GOLM1: variants seen among roughly 807,000 people sequenced by gnomAD.
The protein encoded by GOLM1 is epididymis luminal protein 46.
A neutral mutation model predicts 50.5 loss-of-function variants in GOLM1; 31 were observed. The observed-to-expected ratio is 0.61, with a 90% CI of 0.46 to 0.83. The LOEUF (loss-of-function observed/expected upper bound fraction) is 0.83. GOLM1 is among the 40% of genes least tolerant of loss of function. The pLI is 0.00. For missense variants in GOLM1, 491 were observed against 501.3 expected (o/e 0.98, Z 0.20); for synonymous variants, 178 against 192.8 (o/e 0.92, Z 0.64).
At chr9:86,053,641 C>T (rs374626014) in intron 3 of GOLM1, among the ~76,000 whole-genome samples, 4,074 of 38,954 alleles carry the variant, frequency 0.1, 180 homozygotes, top group Non-Finnish European at 0.23. Context: ...ACAAAACACA[C>T]ACCACACCAT....
At chr9:86,030,241 A>AAGTT (rs1564338725) in intron 9 of GOLM1, among the ~76,000 whole-genome samples, 24 of 150,234 alleles carry the variant, frequency 1.6e-4, no homozygotes, top group African/African-American at 3.2e-4. Context: ...AAAAAAAAAA[A>AAGTT]AGAATAGAAG....
At chr9:86,064,387 C>A (rs1347510232) in intron 3 of GOLM1, among the ~76,000 whole-genome samples, 1 of 152,194 alleles carries the variant, frequency 6.6e-6, no homozygotes. Context: ...CCGCACCTAT[C>A]CCATCTGTCA....
At position 86,026,397 on chromosome 9, in the gene GOLM1, T is replaced by A. The variant is rs1346780905; in HGVS notation, c.*1420A>T. 1.0e-6 allele frequency: 1 copy of A among 985,200 alleles called. No individual in the cohort carries two copies. Among genetic ancestry groups the A allele is most frequent in the Non-Finnish European group, 1.2e-6 (1 of 829,918 alleles). The allele number at this position is 985,200 out of a possible 1,614,324, so 61.0% of individuals were successfully genotyped here. A position where few individuals can be genotyped will look rare whatever the true frequency, so the allele number is the denominator to read the frequency against. On this transcript the variant is annotated 3_prime_UTR_variant, in exon 10 of 10. Coordinates refer to ENST00000388712, the MANE Select transcript of GOLM1 (RefSeq NM_016548.4). ...ATATGAAGAATGTTTAAGTTGGAGG[T>A]GGCAACGTGAATTGCAAACAGGGCC...
chr9:86,039,813 C>T (rs1036869760), intron 6 of GOLM1, among the ~76,000 whole-genome samples: 2 of 151,892 alleles, frequency 1.3e-5, no homozygotes, highest in Non-Finnish European at 2.9e-5. Flanking sequence ...ACTAAAAATA[C>T]AAAAATTAGC....
At chr9:86,092,645 T>C (rs774915586) in intron 1 of GOLM1, among the ~76,000 whole-genome samples, 5 of 152,080 alleles carry the variant, frequency 3.3e-5, no homozygotes, top group African/African-American at 4.8e-5. Flanking sequence ...CCCAGGTAAA[T>C]AGTGACACAA....
At chr9:86,086,661 T>C (rs1337010580) in intron 1 of GOLM1, among the ~76,000 whole-genome samples, 1 of 152,252 alleles carries the variant, frequency 6.6e-6, no homozygotes, top group Non-Finnish European at 1.5e-5. Context: ...AGTTTCAGTT[T>C]TCTGCATATG....
At chr9:86,031,947 A>AAAAG (rs1564339374) in intron 9 of GOLM1, among the ~76,000 whole-genome samples, 1 of 150,586 alleles carries the variant, frequency 6.6e-6, no homozygotes, top group Non-Finnish European at 1.5e-5. Context: ...AAAAAAAAAA[A>AAAAG]AAAGACGCCA....
intron 1 of GOLM1, among the ~76,000 whole-genome samples, chr9:86,081,126 G>T (rs1834768836): frequency 6.6e-6 from 1 of 151,530 alleles, no homozygotes; most frequent in East Asian, 1.9e-4. Flanking sequence ...GACCTCAAGT[G>T]ATCCTCCCAT....
intron 3 of GOLM1, among the ~76,000 whole-genome samples, chr9:86,075,912 G>C (rs540676970): frequency 2.0e-5 from 3 of 152,168 alleles, no homozygotes; most frequent in African/African-American, 7.2e-5. Context: ...TCCCAGAGAA[G>C]AAATATGAGC....
At chr9:86,100,075 C>T (rs1387298975), upstream of GOLM1, 1 of 152,250 alleles carries the variant, frequency 6.6e-6, no homozygotes, top group East Asian at 1.9e-4. Context: ...CATCATCTCG[C>T]CTCGGTTGTC....
At chr9:86,046,656 C>T in intron 4 of GOLM1, 84 bp from the exon 5 acceptor site, 3 of 786,452 alleles carry the variant, frequency 3.8e-6, no homozygotes, top group Admixed American at 2.0e-5. Context: ...GGCAGACTCA[C>T]ACATCAGACC....
intron 7 of GOLM1, among the ~76,000 whole-genome samples, chr9:86,035,889 A>AAAAAAAAAAAC (rs1564340981): frequency 6.7e-6 from 1 of 150,282 alleles, no homozygotes; most frequent in African/African-American, 2.5e-5. Context: ...AAAACAAAAA[A>AAAAAAAAAAAC]AAAAAAACAC....
intron 1 of GOLM1, chr9:86,079,769 T>C (rs1834733624): frequency 6.5e-6 from 1 of 154,590 alleles, no homozygotes; most frequent in Non-Finnish European, 1.4e-5. Context: ...TAACAAATAT[T>C]AAGTGCTTCC....
At chr9:86,062,305 C>T (rs1302097145) in intron 3 of GOLM1, among the ~76,000 whole-genome samples, 1 of 152,034 alleles carries the variant, frequency 6.6e-6, no homozygotes, top group Non-Finnish European at 1.5e-5. Context: ...GGGTTGATGG[C>T]GAGGGGGCCT....
intron 3 of GOLM1, among the ~76,000 whole-genome samples, chr9:86,056,002 A>G (rs960569699): frequency 6.6e-6 from 1 of 152,210 alleles, no homozygotes; most frequent in Non-Finnish European, 1.5e-5. Flanking sequence ...AAAAACACTT[A>G]AATTATTACA....
At chr9:86,096,086 T>C (rs1396207506) in intron 1 of GOLM1, among the ~76,000 whole-genome samples, 2 of 152,000 alleles carry the variant, frequency 1.3e-5, no homozygotes, top group Non-Finnish European at 2.9e-5. Flanking sequence ...GATGCAGTGA[T>C]ATGAGACTTT....
intron 5 of GOLM1, among the ~76,000 whole-genome samples, chr9:86,044,829 AT>A (rs1311033216): frequency 2.0e-5 from 3 of 151,922 alleles, no homozygotes; most frequent in Admixed American, 6.6e-5. Flanking sequence ...GCACGTGCCC[AT>A]AATCCCAGCT....
chr9:86,041,003 A>G lies in GOLM1; in HGVS notation c.468-135T>C, dbSNP rs368013635. ...TTCATCTGAAGAGGGCACTTAAGAC[A>G]GGGCAACACGGGTGTGTGTTCAACA... On this transcript the variant is annotated intron_variant, in intron 5 of 9. Coordinates refer to ENST00000388712, the MANE Select transcript of GOLM1 (RefSeq NM_016548.4). 25 of 709,108 alleles carry G rather than the reference A, an allele frequency of 3.5e-5. No individual in the cohort carries two copies. In the African/African-American group the frequency reaches 4.4e-4, roughly 13 times the overall value. The allele number at this position is 709,108 out of a possible 1,614,324, so 43.9% of individuals were successfully genotyped here. A position where few individuals can be genotyped will look rare whatever the true frequency, so the allele number is the denominator to read the frequency against.
At chr9:86,095,943 A>G (rs555670982) in intron 1 of GOLM1, among the ~76,000 whole-genome samples, 3 of 152,352 alleles carry the variant, frequency 2.0e-5, no homozygotes, top group African/African-American at 7.2e-5. Flanking sequence ...GGGTCAGGCC[A>G]AAAGGAATTT....
Sources: gnomAD v4.1 joint callset for allele counts (sites outside exome capture counted in the v4.1 genomes callset) on GRCh38, gnomAD v4.1.1 for gene constraint, MANE v1.5 for transcripts, NCBI Gene and HGNC (gene_info 2026-07-23, HGNC 2026-07-21) for gene names.